POLG2: variants seen among roughly 807,000 people sequenced by gnomAD.
The protein encoded by POLG2 is DNA polymerase gamma 2, accessory subunit.
Under a neutral mutation model 56.5 loss-of-function variants are expected in POLG2, and 50 were observed. The ratio of observed to expected loss-of-function variants is 0.88; its 90% CI spans 0.71 to 1.12. The LOEUF is 1.12. Ranked by LOEUF, POLG2 falls within the 50% of genes most tolerant of loss-of-function variation. The pLI, the probability that POLG2 is intolerant of heterozygous loss-of-function variation, is 0.00. For synonymous variants in POLG2, 226 were observed against 222.6 expected (o/e 1.02, Z -0.14); for missense variants, 584 against 583.3 (o/e 1.00, Z -0.01).
At chr17:64,486,339 G>A (rs543270792) in intron 4 of POLG2, among the ~76,000 whole-genome samples, 1 of 146,012 alleles carries the variant, frequency 6.8e-6, no homozygotes, top group South Asian at 2.2e-4. Flanking sequence ...CGAGCTCAGA[G>A]TTAGTATTCA....
intron 4 of POLG2, chr17:64,487,033 T>G (rs782427321): frequency 6.6e-6 from 1 of 152,120 alleles, no homozygotes; most frequent in Non-Finnish European, 1.5e-5. Context: ...TGGATATTCA[T>G]GTAATTTTTA....
intron 1 of POLG2, among the ~76,000 whole-genome samples, chr17:64,496,026 A>G (rs567161780): frequency 2.0e-5 from 3 of 152,332 alleles, no homozygotes; most frequent in Middle Eastern, 3.4e-3. Flanking sequence ...ATCCTATGAT[A>G]TACATGAAAT....
intron 5 of POLG2, among the ~76,000 whole-genome samples, chr17:64,484,399 CA>C (rs1237526160): frequency 6.6e-6 from 1 of 152,240 alleles, no homozygotes; most frequent in African/African-American, 2.4e-5. Context: ...CTAGAAATAG[CA>C]AGGTCAGTGC....
At chr17:64,484,358 G>A (rs2037916167) in intron 5 of POLG2, 2 of 152,244 alleles carry the variant, frequency 1.3e-5, no homozygotes, top group Admixed American at 1.3e-4. Context: ...CAAATGACAG[G>A]GCTCTGAGCT....
chr17:64,494,245 T>C (rs1458428220), intron 1 of POLG2, among the ~76,000 whole-genome samples: 1 of 152,228 alleles, frequency 6.6e-6, no homozygotes, highest in Non-Finnish European at 1.5e-5. Flanking sequence ...TGTTTCCTTA[T>C]GATTTAATTT....
chr17:64,491,178 A>G (rs1395764276), intron 3 of POLG2, among the ~76,000 whole-genome samples: 1 of 152,150 alleles, frequency 6.6e-6, no homozygotes, highest in Non-Finnish European at 1.5e-5. Flanking sequence ...GTTAGAGTGC[A>G]GTGGCTAGTC....
chr17:64,485,931 G>C, intron 4 of POLG2, 63 bp from the exon 5 acceptor site: 1 of 1,549,546 alleles, frequency 6.5e-7, no homozygotes, highest in Non-Finnish European at 8.9e-7. Flanking sequence ...GTTTGTTTTT[G>C]AGACGGAGTC....
intron 5 of POLG2, among the ~76,000 whole-genome samples, chr17:64,483,702 A>C (rs923882102): frequency 5.9e-5 from 9 of 151,510 alleles, no homozygotes; most frequent in African/African-American, 2.2e-4. Context: ...GAATGAAAAA[A>C]ATTTTTAAAT....
Position 64,496,415 on chromosome 17 carries a change from A to G in POLG2, c.554T>C (p.Leu185Pro), listed in dbSNP as rs781999284. 1 of 1,572,924 alleles carries G rather than the reference A, an allele frequency of 6.4e-7. No individual in the cohort carries two copies. The highest frequency in any genetic ancestry group is 8.7e-7 in the Non-Finnish European group (1 of 1,150,924). The change falls in exon 1 of 8, where the codon CTT becomes CCT. Residue 185 changes from leucine to proline, a missense_variant. Transcript: ENST00000539111. ...GAAATCGTGAAGCATACCGTGAAGA[A>G]GGTTCTCCCGTAGTTTCCCAGAAGT... is the stretch of plus-strand genomic sequence containing the variant. ...LKTSGKLREN[L>P]LHGALEHYVN...
intron 4 of POLG2, among the ~76,000 whole-genome samples, chr17:64,488,274 A>G (rs1555667866): frequency 1.3e-5 from 2 of 152,212 alleles, no homozygotes; most frequent in African/African-American, 2.4e-5. Context: ...CAGAAATTCT[A>G]CTTAATATTT....
intron 1 of POLG2, 104 bp downstream of exon 1, chr17:64,496,303 C>T (rs1555669471): frequency 1.4e-6 from 1 of 736,382 alleles, no homozygotes. Flanking sequence ...TAACTAACTT[C>T]CTTGCATGGG....
At chr17:64,494,589 C>A (rs1156393046) in intron 1 of POLG2, among the ~76,000 whole-genome samples, 1 of 152,102 alleles carries the variant, frequency 6.6e-6, no homozygotes, top group Non-Finnish European at 1.5e-5. Flanking sequence ...CCCCCGCCCC[C>A]GACCTCTAGG....
At chr17:64,478,358 A>G (rs1568079996) in intron 7 of POLG2, among the ~76,000 whole-genome samples, 1 of 152,152 alleles carries the variant, frequency 6.6e-6, no homozygotes, top group Non-Finnish European at 1.5e-5. Flanking sequence ...ACAATAAACA[A>G]TATTATAATA....
In POLG2 at chr17:64,492,734, G is replaced by T. The variant is rs1555668740; in HGVS notation, c.728C>A (p.Thr243Asn). Reference protein sequence around the residue: ...EKTEASLVWFTPPRTSNQWLD... With the variant: ...EKTEASLVWFNPPRTSNQWLD... ...CCACTGGTTTGAAGTTCTCGGAGGA[G>T]TAAACCATACTAACGAAGCTTCAGT... The change falls in exon 3 of 8, where the codon ACT becomes AAT. Residue 243 changes from threonine (T) to asparagine (N), a missense_variant. Coordinates refer to ENST00000539111, the MANE Select transcript of POLG2 (RefSeq NM_007215.4). 6.2e-7 allele frequency: 1 copy of T among 1,613,222 alleles called. No individual in the cohort carries two copies. The highest frequency in any genetic ancestry group is 8.5e-7 in the Non-Finnish European group (1 of 1,179,500).
chr17:64,493,849 T>C (rs1176764080), intron 1 of POLG2, among the ~76,000 whole-genome samples: 6 of 152,214 alleles, frequency 3.9e-5, no homozygotes, highest in African/African-American at 1.4e-4. Context: ...TGAACACTTG[T>C]ATACCCTTTA....
chr17:64,493,555 G>A (rs1419643728), intron 1 of POLG2, among the ~76,000 whole-genome samples: 1 of 152,096 alleles, frequency 6.6e-6, no homozygotes, highest in Admixed American at 6.5e-5. Context: ...CAGGGTCTCG[G>A]CTCATTGCAA....
intron 3 of POLG2, among the ~76,000 whole-genome samples, 185 bp downstream of exon 3, chr17:64,492,482 G>A (rs2038077968): frequency 6.6e-6 from 1 of 152,084 alleles, no homozygotes; most frequent in African/African-American, 2.4e-5. Flanking sequence ...CCCAACAAAT[G>A]TTTTTACCAA....
At chr17:64,493,325 G>A (rs1327744010) in intron 1 of POLG2, among the ~76,000 whole-genome samples, 2 of 152,062 alleles carry the variant, frequency 1.3e-5, no homozygotes, top group African/African-American at 2.4e-5. Context: ...AAGCTGGGAG[G>A]TGGATCACTT....
At chr17:64,493,492 C>CT (rs371713410) in intron 1 of POLG2, among the ~76,000 whole-genome samples, 67 of 148,162 alleles carry the variant, frequency 4.5e-4, no homozygotes, top group East Asian at 2.6e-3. Context: ...TGAAGATTTT[C>CT]TTTTTTTTTT....
Sources: allele counts gnomAD v4.1 joint callset (sites outside exome capture counted in the v4.1 genomes callset), GRCh38; gene constraint gnomAD v4.1.1; transcripts MANE v1.5; gene names NCBI Gene and HGNC (gene_info 2026-07-23, HGNC 2026-07-21).